The following SCLT1 variants were observed in gnomAD, a reference collection of about 807,000 sequenced individuals.
The protein encoded by SCLT1 is sodium channel and clathrin linker 1.
In SCLT1, 78 loss-of-function variants were observed where a neutral mutation model predicts 112.8. That is an observed-to-expected ratio of 0.69 (90% CI 0.58 to 0.83). The LOEUF is 0.83. SCLT1 is among the 40% of genes least tolerant of loss of function. SCLT1 has a pLI of 0.00. For synonymous variants in SCLT1, 257 were observed against 254.7 expected, an observed-to-expected ratio of 1.01 and a Z score of -0.09; for missense variants, 747 against 770.4, an observed-to-expected ratio of 0.97 and a Z score of 0.36.
At chr4:129,055,951 C>G (rs1007668011) in intron 2 of SCLT1, among the ~76,000 whole-genome samples, 1 of 152,184 alleles carries the variant, frequency 6.6e-6, no homozygotes, top group Non-Finnish European at 1.5e-5. Context: ...AGGGAATCTC[C>G]TGATCTGCAG....
At chr4:128,997,978 T>A in intron 7 of SCLT1, 39 bp from the exon 8 acceptor site, 5 of 1,033,896 alleles carry the variant, frequency 4.8e-6, no homozygotes, top group South Asian at 2.4e-5. Flanking sequence ...AAATAGCATT[T>A]TGTTGTTTAT....
In SCLT1 at chr4:128,949,214, CTTGT is replaced by C. The variant is rs1738474083; in HGVS notation, c.1219-648_1219-645del. On this transcript the variant is annotated intron_variant, in intron 14 of 20. Transcript: ENST00000281142. ...TCTGGAGAATGGGTAATGTGTATGGCTTGTTTTTTTTTTTTTTTTTTCGTGAGAC... is the reference window on the plus strand; with the variant it reads ...TCTGGAGAATGGGTAATGTGTATGGCTTTTTTTTTTTTTTTTTCGTGAGAC... 2.3e-5 allele frequency among the ~76,000 whole-genome samples: 3 copies of C among 131,024 alleles called. No individual in the cohort carries two copies. In the East Asian group the frequency reaches 6.7e-4, roughly 29 times the overall value. The allele number at this position is 131,024 out of a possible 152,430, so 86.0% of individuals were successfully genotyped here. A position where few individuals can be genotyped will look rare whatever the true frequency, so the allele number is the denominator to read the frequency against.
intron 18 of SCLT1, among the ~76,000 whole-genome samples, chr4:128,935,127 T>C (rs1560859584): frequency 6.6e-6 from 1 of 152,022 alleles, no homozygotes. Flanking sequence ...TTTTCTAATG[T>C]TATACCAACT....
rs140972303 is a variant in SCLT1 at position 128,985,503 on chromosome 4, G to A, written c.686+6664C>T. Among the ~76,000 whole-genome samples, 1,035 of 151,960 alleles carry A rather than the reference G, an allele frequency of 6.8e-3. 8 individuals carry two copies. The highest frequency in any genetic ancestry group is 0.011 in the Non-Finnish European group (722 of 67,970). ...AACTTTTGAAATGCTTATTCATATC[G>A]TTTGCCTAATTTTCGATGAGTTAAT... On this transcript the variant is annotated intron_variant, in intron 9 of 20. Coordinates refer to ENST00000281142, the MANE Select transcript of SCLT1 (RefSeq NM_144643.4).
In SCLT1 at chr4:128,946,163, G is replaced by A. The variant is rs1158057317; in HGVS notation, c.1294-11C>T. On this transcript the variant is annotated splice_polypyrimidine_tract_variant and intron_variant, in intron 15 of 20. Transcript: ENST00000281142. ...GCCTTCACGGTAAATCTGCAGAAAA[G>A]GCTTATTAGGTATATAATATTACAG... The A allele has an allele frequency of 8.9e-6, 14 of 1,575,118 alleles. No individual in the cohort carries two copies. Among genetic ancestry groups the A allele is most frequent in the Non-Finnish European group, 1.2e-5 (14 of 1,147,324 alleles).
chr4:129,034,154 T>A (rs1009089837), intron 5 of SCLT1, among the ~76,000 whole-genome samples: 1 of 152,198 alleles, frequency 6.6e-6, no homozygotes, highest in Non-Finnish European at 1.5e-5. Context: ...TTTTCTGGGC[T>A]AGCACTGAAA....
At chr4:128,897,347 G>T (rs1002079551) in intron 18 of SCLT1, among the ~76,000 whole-genome samples, 3 of 152,062 alleles carry the variant, frequency 2.0e-5, no homozygotes, top group African/African-American at 7.2e-5. Context: ...CTACAAGCCA[G>T]AAGAGAGTGG....
intron 5 of SCLT1, among the ~76,000 whole-genome samples, chr4:129,010,786 T>C (rs191886014): frequency 9.8e-5 from 15 of 152,320 alleles, no homozygotes; most frequent in Admixed American, 3.9e-4. Flanking sequence ...TCCTGAGAAT[T>C]TGCTGAAGTT....
At chr4:128,916,000 C>T (rs2125953556) in intron 18 of SCLT1, among the ~76,000 whole-genome samples, 1 of 152,324 alleles carries the variant, frequency 6.6e-6, no homozygotes, top group East Asian at 1.9e-4. Flanking sequence ...TAGCAGAATG[C>T]TTGGAGAAGA....
At chr4:129,075,662 G>A (rs1177626695) in intron 2 of SCLT1, among the ~76,000 whole-genome samples, 1 of 152,112 alleles carries the variant, frequency 6.6e-6, no homozygotes, top group Non-Finnish European at 1.5e-5. Context: ...CATGTAACTA[G>A]TGGCTACAAT....
intron 11 of SCLT1, among the ~76,000 whole-genome samples, chr4:128,963,025 T>C (rs970459936): frequency 6.6e-6 from 1 of 152,196 alleles, no homozygotes. Flanking sequence ...GATTAAGTAA[T>C]GAATGATATA....
chr4:128,962,491 T>C (rs1739826335), intron 11 of SCLT1, among the ~76,000 whole-genome samples: 1 of 152,182 alleles, frequency 6.6e-6, no homozygotes, highest in Non-Finnish European at 1.5e-5. Flanking sequence ...TCTTCCTTTA[T>C]ACTGATAATA....
At chr4:128,938,327 C>T in intron 17 of SCLT1, among the ~76,000 whole-genome samples, 1 of 152,196 alleles carries the variant, frequency 6.6e-6, no homozygotes, top group East Asian at 1.9e-4. Context: ...AAACTGCAAA[C>T]ATTCTGTCCT....
At chr4:128,942,960 T>C (rs1393076352) in intron 17 of SCLT1, 36 bp downstream of exon 17, 2 of 1,469,402 alleles carry the variant, frequency 1.4e-6, no homozygotes, top group South Asian at 1.3e-5. Flanking sequence ...ACTTTGATTT[T>C]CATAAGTACA....
chr4:128,961,640 T>A (rs1467277104), intron 11 of SCLT1, among the ~76,000 whole-genome samples: 1 of 152,182 alleles, frequency 6.6e-6, no homozygotes, highest in Non-Finnish European at 1.5e-5. Flanking sequence ...GTTTGGTAAT[T>A]TTTGATTAAG....
At chr4:129,000,948 TA>T (rs942942339) in intron 6 of SCLT1, among the ~76,000 whole-genome samples, 23 of 141,872 alleles carry the variant, frequency 1.6e-4, no homozygotes, top group Admixed American at 2.1e-4. Context: ...GTCTAAAACT[TA>T]AAAAAAAAAA....
intron 5 of SCLT1, among the ~76,000 whole-genome samples, chr4:129,026,535 C>G (rs577442726): frequency 6.6e-6 from 1 of 151,776 alleles, no homozygotes; most frequent in Non-Finnish European, 1.5e-5. Context: ...AGAATCTCTG[C>G]GACATATTCA....
chr4:128,906,290 C>T (rs1004721769), intron 18 of SCLT1, among the ~76,000 whole-genome samples: 4 of 152,074 alleles, frequency 2.6e-5, no homozygotes, highest in South Asian at 2.1e-4. Flanking sequence ...CTCTGCCTCC[C>T]GGGTTCACGT....
At chr4:129,035,473 G>T (rs1430109138) in intron 5 of SCLT1, among the ~76,000 whole-genome samples, 1 of 151,866 alleles carries the variant, frequency 6.6e-6, no homozygotes, top group South Asian at 2.1e-4. Flanking sequence ...TCAGGTTATG[G>T]AATAAGCTCA....
Sources: allele counts gnomAD v4.1 joint callset (sites outside exome capture counted in the v4.1 genomes callset), GRCh38; gene constraint gnomAD v4.1.1; transcripts MANE v1.5; gene names NCBI Gene and HGNC (gene_info 2026-07-23, HGNC 2026-07-21).